Variants in PREP observed in about 807,000 individuals in gnomAD.
The protein encoded by PREP is dJ355L5.1 (prolyl endopeptidase).
PREP carries 29 observed loss-of-function variants against 87.6 expected under a neutral mutation model. That is an observed-to-expected ratio of 0.33 (90% CI 0.25 to 0.45). The LOEUF (loss-of-function observed/expected upper bound fraction) is 0.45, where lower values mean the gene tolerates loss of function less well. Ranked by LOEUF, PREP falls within the 20% of genes least tolerant of loss-of-function variation. PREP has a pLI of 1.00. For synonymous variants in PREP, 337 were observed against 328.6 expected, an observed-to-expected ratio of 1.03 and a Z score of -0.28; for missense variants, 695 against 886.5, an observed-to-expected ratio of 0.78 and a Z score of 2.74.
intron 2 of PREP, among the ~76,000 whole-genome samples, chr6:105,380,805 C>G (rs1328198320): frequency 6.6e-6 from 1 of 152,152 alleles, no homozygotes; most frequent in African/African-American, 2.4e-5. Context: ...GATGTCATTT[C>G]CCTGATCCTT....
At chr6:105,372,275 G>C (rs1159198904) in intron 5 of PREP, among the ~76,000 whole-genome samples, 1 of 152,002 alleles carries the variant, frequency 6.6e-6, no homozygotes, top group South Asian at 2.1e-4. Context: ...GTCATGATAA[G>C]GGGACAACAG....
At chr6:105,338,800 A>C (rs1372693510) in intron 7 of PREP, among the ~76,000 whole-genome samples, 1 of 152,206 alleles carries the variant, frequency 6.6e-6, no homozygotes, top group Non-Finnish European at 1.5e-5. Context: ...CTAGCACAGT[A>C]GTCTGAGATC....
chr6:105,323,063 T>G, intron 10 of PREP: 1 of 1,304,118 alleles, frequency 7.7e-7, no homozygotes, highest in South Asian at 1.2e-5. Context: ...TTCGTCATCA[T>G]CAATCAACCA....
intron 7 of PREP, among the ~76,000 whole-genome samples, chr6:105,345,011 G>A (rs1771760154): frequency 6.6e-6 from 1 of 152,138 alleles, no homozygotes; most frequent in Non-Finnish European, 1.5e-5. Context: ...CTATAAAATT[G>A]GAAAAATAGT....
At chr6:105,306,982 G>A (rs1770670480) in intron 10 of PREP, among the ~76,000 whole-genome samples, 1 of 152,162 alleles carries the variant, frequency 6.6e-6, no homozygotes, top group Non-Finnish European at 1.5e-5. Context: ...CACTGGATTG[G>A]TGCCTTCTAA....
intron 6 of PREP, among the ~76,000 whole-genome samples, chr6:105,359,835 G>A (rs529180844): frequency 1.3e-5 from 2 of 152,280 alleles, no homozygotes; most frequent in East Asian, 3.9e-4. Flanking sequence ...GAGGGTTCCT[G>A]TAGGATTGTC....
At chr6:105,304,653 G>A (rs1770617132) in intron 10 of PREP, among the ~76,000 whole-genome samples, 1 of 152,150 alleles carries the variant, frequency 6.6e-6, no homozygotes, top group East Asian at 1.9e-4. Flanking sequence ...AAGACAGTAG[G>A]TGCTTTGAAA....
At chr6:105,391,060 C>CACACACACACA (rs1554212310) in intron 2 of PREP, among the ~76,000 whole-genome samples, 1 of 140,186 alleles carries the variant, frequency 7.1e-6, no homozygotes, top group African/African-American at 2.6e-5. Context: ...CACACACACA[C>CACACACACACA]TTTTTTTTTT....
intron 14 of PREP, among the ~76,000 whole-genome samples, chr6:105,280,058 T>TA (rs1003597452): frequency 1.3e-5 from 2 of 152,070 alleles, no homozygotes; most frequent in African/African-American, 2.4e-5. Flanking sequence ...AGTATCCAGT[T>TA]AAAAAAAATT....
At chr6:105,292,101 G>A (rs981832560) in intron 10 of PREP, among the ~76,000 whole-genome samples, 3 of 151,974 alleles carry the variant, frequency 2.0e-5, no homozygotes, top group Admixed American at 6.6e-5. Flanking sequence ...ATCCATGAGC[G>A]TTACAATCAC....
intron 2 of PREP, among the ~76,000 whole-genome samples, chr6:105,397,014 GTC>G (rs1462946648): frequency 6.6e-6 from 1 of 151,820 alleles, no homozygotes; most frequent in Non-Finnish European, 1.5e-5. Flanking sequence ...TGAAACCCCC[GTC>G]TCTACTAAAA....
chr6:105,328,997 A>G lies in PREP; in HGVS notation c.1045T>C (p.Leu349=). The G allele has an allele frequency of 1.2e-6, 2 of 1,614,136 alleles. No homozygotes were observed. The highest frequency in any genetic ancestry group is 1.7e-6 in the Non-Finnish European group (2 of 1,179,968). The change falls in exon 9 of 15, where the codon TTG becomes CTG. Residue 349 remains leucine, a synonymous_variant. Coordinates refer to ENST00000652536, the MANE Select transcript of PREP (RefSeq NM_002726.5). ...EWIACVRSNF[L]VLCYLHDVKN... is the part of the protein sequence containing the mutation. Reference sequence around the variant, plus strand: ...ACGTCATGGAGGTAGCATAAGACCAAGAAGTTGGACCTGACACAAGCTATC... The same window carrying G: ...ACGTCATGGAGGTAGCATAAGACCAGGAAGTTGGACCTGACACAAGCTATC...
At chr6:105,338,483 G>C (rs1207589683) in intron 7 of PREP, among the ~76,000 whole-genome samples, 1 of 152,226 alleles carries the variant, frequency 6.6e-6, no homozygotes, top group Non-Finnish European at 1.5e-5. Context: ...GAGTGACACA[G>C]AAGACGGGTG....
rs112544914 is a variant in PREP, at chr6:105,373,345, G to T, written c.595+24C>A. 2,422 of 1,605,078 alleles carry T rather than the reference G, an allele frequency of 1.5e-3. 33 individuals are homozygous for T. In the African/African-American group the frequency reaches 0.026, roughly 18 times the overall value. On this transcript the variant is annotated intron_variant, in intron 5 of 14. Transcript: ENST00000652536. ...TCACACTTCATTTTGTGAAAAATGT[G>T]CTTCATCTGAAGTCTTCACTCACCA... is the stretch of plus-strand genomic sequence containing the variant.
At chr6:105,357,991 T>A (rs958441743) in intron 6 of PREP, among the ~76,000 whole-genome samples, 17 of 152,022 alleles carry the variant, frequency 1.1e-4, no homozygotes, top group African/African-American at 4.1e-4. Flanking sequence ...TTAATCTGAT[T>A]TGCAAGCACT....
intron 6 of PREP, among the ~76,000 whole-genome samples, chr6:105,359,102 T>C (rs1772176947): frequency 6.6e-6 from 1 of 152,170 alleles, no homozygotes; most frequent in African/African-American, 2.4e-5. Flanking sequence ...CAGTCCACTA[T>C]TCAGGGCAGC....
At chr6:105,317,740 C>T (rs928679896) in intron 10 of PREP, among the ~76,000 whole-genome samples, 1 of 152,146 alleles carries the variant, frequency 6.6e-6, no homozygotes, top group Non-Finnish European at 1.5e-5. Context: ...GAGAATCAAA[C>T]ACCTGGAGAG....
At chr6:105,369,125 G>T in intron 5 of PREP, 101 bp from the exon 6 acceptor site, 1 of 1,231,026 alleles carries the variant, frequency 8.1e-7, no homozygotes, top group Non-Finnish European at 1.2e-6. Flanking sequence ...CAAGTAGCTG[G>T]CTGCAGGATA....
At chr6:105,396,630 G>A (rs1773290386) in intron 2 of PREP, among the ~76,000 whole-genome samples, 1 of 151,982 alleles carries the variant, frequency 6.6e-6, no homozygotes, top group African/African-American at 2.4e-5. Flanking sequence ...AGAAACAGGC[G>A]GAGTTAAGAC....
Sources: allele counts gnomAD v4.1 joint callset (sites outside exome capture counted in the v4.1 genomes callset), GRCh38; gene constraint gnomAD v4.1.1; transcripts MANE v1.5; gene names NCBI Gene and HGNC (gene_info 2026-07-23, HGNC 2026-07-21).